Variants in DNAJB4 observed in about 807,000 individuals in gnomAD.
DNAJB4 encodes DnaJ heat shock protein family (Hsp40) member B4.
A neutral mutation model predicts 26.6 loss-of-function variants in DNAJB4; 10 were observed. The observed-to-expected ratio is 0.38, with a 90% CI of 0.23 to 0.64. The LOEUF (loss-of-function observed/expected upper bound fraction) is 0.64, where lower values mean the gene tolerates loss of function less well. DNAJB4 is among the 30% of genes least tolerant of loss of function. The pLI, the probability that DNAJB4 is intolerant of heterozygous loss-of-function variation, is 0.58. For synonymous variants in DNAJB4, 136 were observed against 134.8 expected, an observed-to-expected ratio of 1.01 and a Z score of -0.06; for missense variants, 328 against 408.2, an observed-to-expected ratio of 0.80 and a Z score of 1.69.
intron 1 of DNAJB4, among the ~76,000 whole-genome samples, chr1:77,989,011 T>C (rs967048475): frequency 5.3e-5 from 8 of 152,334 alleles, no homozygotes; most frequent in East Asian, 1.9e-4. Flanking sequence ...TTTTCCATAA[T>C]TGACATACTG....
chr1:78,009,392 C>T (rs76008101), intron 1 of DNAJB4, among the ~76,000 whole-genome samples: 1,734 of 152,106 alleles, frequency 0.011, 27 homozygotes, highest in African/African-American at 0.039. Context: ...GTATTCCAAA[C>T]ACATATTTGG....
intron 1 of DNAJB4, among the ~76,000 whole-genome samples, chr1:78,011,960 T>G (rs1477538639): frequency 6.7e-6 from 1 of 148,564 alleles, no homozygotes; most frequent in Non-Finnish European, 1.5e-5. Flanking sequence ...TTTTTAAATG[T>G]TATATATATT....
At chr1:77,983,906 T>G (rs1000434517) in intron 1 of DNAJB4, among the ~76,000 whole-genome samples, 3 of 152,192 alleles carry the variant, frequency 2.0e-5, no homozygotes, top group Admixed American at 6.5e-5. Flanking sequence ...TCTGGCCGAC[T>G]TTTGCTTATT....
In DNAJB4 at chr1:78,017,235, A is replaced by G. The variant is rs1002402106; in HGVS notation, c.*988A>G. The G allele has an allele frequency of 6.6e-6, 1 of 152,056 alleles. No individual in the cohort carries two copies. The highest frequency in any genetic ancestry group is 1.5e-5 in the Non-Finnish European group (1 of 67,918). 9.4% of individuals were successfully genotyped at this position (152,056 alleles called of 1,614,324 possible). A position where few individuals can be genotyped will look rare whatever the true frequency, so the allele number is the denominator to read the frequency against. On this transcript the variant is annotated 3_prime_UTR_variant, in exon 3 of 3. Coordinates refer to ENST00000370763, the MANE Select transcript of DNAJB4 (RefSeq NM_007034.5). ...AATGTTGCAACTACTTGTTATGCAT[A>G]TAAATATTTTACTTTTTCACATGTA...
intron 1 of DNAJB4, among the ~76,000 whole-genome samples, chr1:77,994,558 G>T (rs1660015562): frequency 1.3e-5 from 2 of 148,956 alleles, no homozygotes; most frequent in South Asian, 2.1e-4. Flanking sequence ...TTTTTTTTCT[G>T]TGTACTCCTT....
chr1:78,004,414 C>T (rs1453388834), upstream of DNAJB4: 2 of 152,142 alleles, frequency 1.3e-5, no homozygotes, highest in African/African-American at 4.8e-5. Context: ...GAAACTAGTA[C>T]ACAAACTTTC....
chr1:78,003,669 A>G (rs1458630476), upstream of DNAJB4, among the ~76,000 whole-genome samples: 7 of 152,196 alleles, frequency 4.6e-5, no homozygotes, highest in Non-Finnish European at 1.0e-4. Flanking sequence ...TAGAAATGGG[A>G]ACATTTTTGA....
intron 2 of DNAJB4, among the ~76,000 whole-genome samples, chr1:78,014,127 C>A (rs1028583852): frequency 3.4e-5 from 5 of 145,560 alleles, no homozygotes; most frequent in Non-Finnish European, 6.1e-5. Flanking sequence ...TGCACTATTT[C>A]TTTTTTTTTT....
chr1:78,012,236 C>T lies in DNAJB4; in HGVS notation c.212-815C>T, dbSNP rs563730613. 6.4e-3 allele frequency among the ~76,000 whole-genome samples: 869 copies of T among 135,846 alleles called. 9 individuals are homozygous for T. The highest frequency in any genetic ancestry group is 0.022 in the African/African-American group (814 of 36,738). The allele number at this position is 135,846 out of a possible 152,430, so 89.1% of individuals were successfully genotyped here. A position where few individuals can be genotyped will look rare whatever the true frequency, so the allele number is the denominator to read the frequency against. ...GGTGTGCAGTGGTGCGATCTCAGCT[C>T]GCTGCAACTTCTGCCTCCCAGGTTC... is the stretch of plus-strand genomic sequence containing the variant. On this transcript the variant is annotated intron_variant, in intron 1 of 2. Transcript: ENST00000370763.
chr1:78,001,816 C>A (rs1660201386), upstream of DNAJB4, among the ~76,000 whole-genome samples: 1 of 152,178 alleles, frequency 6.6e-6, no homozygotes, highest in Admixed American at 6.5e-5. Flanking sequence ...GCATGAGCCA[C>A]CTCACCTGAC....
chr1:77,992,275 T>G (rs1222689860), intron 1 of DNAJB4, among the ~76,000 whole-genome samples: 2 of 150,066 alleles, frequency 1.3e-5, no homozygotes, highest in African/African-American at 2.4e-5. Flanking sequence ...TAGCCGGGCG[T>G]AGTGGCGGGC....
rs545723746 is a variant in DNAJB4 at position 77,997,614 on chromosome 1, A to G, written c.-31-7466A>G. Among the ~76,000 whole-genome samples the G allele has an allele frequency of 1.1e-3, 160 of 152,216 alleles. 2 individuals carry two copies. Among genetic ancestry groups the G allele is most frequent in the African/African-American group, 3.8e-3 (158 of 41,542 alleles). On this transcript the variant is annotated intron_variant, in intron 1 of 2. Transcript: ENST00000426517. ...ATCTCACCAGTATTTTTGCTGTATC[A>G]AATACATTTTATGCTCTTTTGCTTC...
chr1:77,985,318 A>C (rs757884927), intron 1 of DNAJB4, among the ~76,000 whole-genome samples: 1 of 152,122 alleles, frequency 6.6e-6, no homozygotes, highest in Non-Finnish European at 1.5e-5. Context: ...TATTTATAGT[A>C]GTGATCTCTT....
At chr1:78,000,136 A>C (rs1660156586), upstream of DNAJB4, among the ~76,000 whole-genome samples, 1 of 152,132 alleles carries the variant, frequency 6.6e-6, no homozygotes, top group Non-Finnish European at 1.5e-5. Flanking sequence ...CTGTGTGTGT[A>C]TGTGTGAGTG....
At chr1:77,987,386 C>G (rs764993845) in intron 1 of DNAJB4, among the ~76,000 whole-genome samples, 1 of 152,180 alleles carries the variant, frequency 6.6e-6, no homozygotes, top group African/African-American at 2.4e-5. Flanking sequence ...GCCTCAGCCT[C>G]CTGAGTAGCT....
intron 1 of DNAJB4, among the ~76,000 whole-genome samples, chr1:77,988,946 G>T (rs1324730223): frequency 6.6e-6 from 1 of 152,138 alleles, no homozygotes; most frequent in Non-Finnish European, 1.5e-5. Context: ...TCTGGTTTCA[G>T]CTGGGTCCTT....
rs1200386164 is a variant in DNAJB4 at position 78,013,265 on chromosome 1, TC to T, written c.428del (p.Pro143GlnfsTer37). Reference sequence around the variant, plus strand: ...CCTTTGGTTTCAGCATGAATGGATATCCAAGAGACAGGAATTCTGTGGGGCC... The same window carrying T: ...CCTTTGGTTTCAGCATGAATGGATATCAAGAGACAGGAATTCTGTGGGGCC... Reference protein sequence around the residue: ...SAFGFSMNGYPRDRNSVGPSR... With the variant: ...SAFGFSMNGYXRDRNSVGPSR... On this transcript the variant is annotated frameshift_variant, in exon 2 of 3. Transcript: ENST00000370763. LOFTEE classifies it high-confidence loss of function. The T allele has an allele frequency of 6.2e-7, 1 of 1,614,076 alleles. No homozygotes were observed. The highest frequency in any genetic ancestry group is 1.3e-5 in the African/African-American group (1 of 75,042).
intron 1 of DNAJB4, among the ~76,000 whole-genome samples, chr1:78,010,084 A>G (rs1002408266): frequency 2.0e-5 from 3 of 152,226 alleles, no homozygotes; most frequent in African/African-American, 7.2e-5. Context: ...GAGACTTTGT[A>G]ATTATGACCG....
intron 2 of DNAJB4, among the ~76,000 whole-genome samples, chr1:78,015,552 T>TC (rs200769174): frequency 0.061 from 8,564 of 140,674 alleles, 397 homozygotes; most frequent in Middle Eastern, 0.11. Context: ...TCTTTCTTCT[T>TC]TTTTTTTTTT....
Sources: gnomAD v4.1 joint callset for allele counts (sites outside exome capture counted in the v4.1 genomes callset) on GRCh38, gnomAD v4.1.1 for gene constraint, MANE v1.5 for transcripts, NCBI Gene and HGNC (gene_info 2026-07-23, HGNC 2026-07-21) for gene names.